The following SGCZ variants were observed in gnomAD, a reference collection of about 807,000 sequenced individuals.
SGCZ encodes sarcoglycan zeta.
Under a neutral mutation model 41.3 loss-of-function variants are expected in SGCZ, and 40 were observed. That is an observed-to-expected ratio of 0.97 (90% CI 0.75 to 1.26). The LOEUF is 1.26. Ranked by LOEUF, SGCZ falls within the 50% of genes most tolerant of loss-of-function variation. The pLI is 0.00. For missense variants in SGCZ, 552 were observed against 369.8 expected, an observed-to-expected ratio of 1.49 and a Z score of -4.04; for synonymous variants, 206 against 137.5, an observed-to-expected ratio of 1.50 and a Z score of -3.49.
chr8:14,383,064 A>G (rs10092829), intron 2 of SGCZ, among the ~76,000 whole-genome samples: 55,273 of 151,970 alleles, frequency 0.36, 10,980 homozygotes, highest in African/African-American at 0.54. Context: ...TTTGTTCCCA[A>G]AATTGTCCCC....
At chr8:14,281,454 AT>A (rs1476564063) in intron 3 of SGCZ, among the ~76,000 whole-genome samples, 2 of 103,596 alleles carry the variant, frequency 1.9e-5, no homozygotes, top group South Asian at 3.3e-4. Flanking sequence ...GTGATTCTTA[AT>A]TTTTTTATAT....
chr8:14,844,566 C>G (rs1302573294), intron 1 of SGCZ, among the ~76,000 whole-genome samples: 1 of 152,120 alleles, frequency 6.6e-6, no homozygotes, highest in East Asian at 1.9e-4. Flanking sequence ...CTCCTCTCAT[C>G]CAGCTGACAT....
chr8:15,126,515 G>T (rs1322839651), intron 1 of SGCZ, among the ~76,000 whole-genome samples: 1 of 152,280 alleles, frequency 6.6e-6, no homozygotes, highest in African/African-American at 2.4e-5. Context: ...AATAGTTCTT[G>T]TGTGTTGGAG....
chr8:14,372,167 A>G (rs935599365), intron 2 of SGCZ, among the ~76,000 whole-genome samples: 1 of 152,152 alleles, frequency 6.6e-6, no homozygotes, highest in African/African-American at 2.4e-5. Context: ...TCCTAAGGGT[A>G]GTACTCATGG....
chr8:14,862,581 T>TAC (rs60737335), intron 1 of SGCZ, among the ~76,000 whole-genome samples: 2,233 of 96,654 alleles, frequency 0.023, 125 homozygotes, highest in Non-Finnish European at 0.027. Context: ...TATATATATA[T>TAC]ACACACACAA....
At chr8:14,526,887 G>C (rs1802965491) in intron 2 of SGCZ, among the ~76,000 whole-genome samples, 1 of 152,140 alleles carries the variant, frequency 6.6e-6, no homozygotes, top group Non-Finnish European at 1.5e-5. Context: ...TAGTTTAAAA[G>C]ACGGTCGGTG....
chr8:14,319,573 G>A (rs1801849897), intron 3 of SGCZ: 1 of 151,944 alleles, frequency 6.6e-6, no homozygotes, highest in African/African-American at 2.4e-5. Flanking sequence ...AAGAATACTA[G>A]GAGGGAAGGA....
chr8:15,004,403 A>C (rs1041495579), intron 1 of SGCZ, among the ~76,000 whole-genome samples: 4 of 152,182 alleles, frequency 2.6e-5, no homozygotes, highest in African/African-American at 9.7e-5. Flanking sequence ...GCAGGGACTC[A>C]AGGCAGAAGT....
intron 1 of SGCZ, among the ~76,000 whole-genome samples, chr8:15,007,016 G>A (rs181698555): frequency 6.6e-6 from 1 of 152,122 alleles, no homozygotes; most frequent in Non-Finnish European, 1.5e-5. Context: ...AAAAGGAAAG[G>A]GTAGTGTGTT....
In SGCZ at chr8:14,551,480, T is replaced by TATTA. The variant is rs773471657; in HGVS notation, c.234+3251_234+3252insTAAT. Among the ~76,000 whole-genome samples, 18 of 14,112 alleles carry TATTA rather than the reference T, an allele frequency of 1.3e-3. 3 individuals carry two copies. The East Asian group carries it at 0.048, about 38-fold the overall frequency. 9.3% of individuals were successfully genotyped at this position (14,112 alleles called of 152,430 possible). ...TTATATATATTATATATATTATATA[T>TATTA]TATATATATTATATATATTATATAT... On this transcript the variant is annotated intron_variant, in intron 2 of 7. Transcript: ENST00000382080.
At chr8:14,167,415 A>G (rs1804242839) in intron 4 of SGCZ, among the ~76,000 whole-genome samples, 1 of 152,122 alleles carries the variant, frequency 6.6e-6, no homozygotes, top group Non-Finnish European at 1.5e-5. Context: ...TAACAAGTAG[A>G]TCATAGGTGA....
intron 1 of SGCZ, among the ~76,000 whole-genome samples, chr8:14,564,380 A>C (rs1051687908): frequency 6.6e-6 from 1 of 152,192 alleles, no homozygotes; most frequent in Non-Finnish European, 1.5e-5. Context: ...GGAATGCGAC[A>C]CAATAGTTTA....
chr8:14,541,518 C>G (rs139302706), intron 2 of SGCZ, among the ~76,000 whole-genome samples: 1 of 151,928 alleles, frequency 6.6e-6, no homozygotes, highest in Non-Finnish European at 1.5e-5. Flanking sequence ...GAATATGTGC[C>G]GCATTTTCTT....
intron 1 of SGCZ, among the ~76,000 whole-genome samples, chr8:14,588,899 C>T (rs1051828696): frequency 6.6e-6 from 1 of 152,108 alleles, no homozygotes; most frequent in African/African-American, 2.4e-5. Flanking sequence ...TAATTATAAT[C>T]GATACTACCT....
At chr8:14,627,604 T>C (rs1242666496) in intron 1 of SGCZ, among the ~76,000 whole-genome samples, 2 of 152,146 alleles carry the variant, frequency 1.3e-5, no homozygotes. Flanking sequence ...TAGCAATATA[T>C]GGTTATTCCT....
At chr8:15,121,546 A>C (rs1807478057) in intron 1 of SGCZ, among the ~76,000 whole-genome samples, 1 of 152,212 alleles carries the variant, frequency 6.6e-6, no homozygotes, top group African/African-American at 2.4e-5. Flanking sequence ...TAGTTGTTGA[A>C]GTAAGACATA....
chr8:14,248,073 A>G (rs950734524), intron 3 of SGCZ, among the ~76,000 whole-genome samples: 1 of 152,222 alleles, frequency 6.6e-6, no homozygotes, highest in African/African-American at 2.4e-5. Flanking sequence ...ATGGAATTAG[A>G]TATTTTAAAT....
At chr8:14,829,177 G>A (rs1389073677) in intron 1 of SGCZ, among the ~76,000 whole-genome samples, 2 of 151,966 alleles carry the variant, frequency 1.3e-5, no homozygotes, top group Non-Finnish European at 2.9e-5. Flanking sequence ...TATTTTTCTT[G>A]ATCCTCTCCC....
chr8:14,259,063 G>GT (rs1268377839), intron 3 of SGCZ, among the ~76,000 whole-genome samples: 1 of 151,990 alleles, frequency 6.6e-6, no homozygotes, highest in African/African-American at 2.4e-5. Flanking sequence ...CTATACTTTA[G>GT]TTTTTTATGT....
Sources: allele counts gnomAD v4.1 joint callset (sites outside exome capture counted in the v4.1 genomes callset), GRCh38; gene constraint gnomAD v4.1.1; transcripts MANE v1.5; gene names NCBI Gene and HGNC (gene_info 2026-07-23, HGNC 2026-07-21).